PIN1: variants seen among roughly 807,000 people sequenced by gnomAD.
The protein encoded by PIN1 is peptidylprolyl cis/trans isomerase, NIMA-interacting 1.
Under a neutral mutation model 19.9 loss-of-function variants are expected in PIN1, and 8 were observed. The observed-to-expected ratio is 0.40, with a 90% CI of 0.24 to 0.72. The LOEUF is 0.72. Among genes scored for constraint, PIN1 ranks in the 30% least tolerant of loss-of-function variants. The pLI is 0.37. For missense variants in PIN1, 185 were observed against 226.5 expected, an observed-to-expected ratio of 0.82 and a Z score of 1.18; for synonymous variants, 86 against 90.8, an observed-to-expected ratio of 0.95 and a Z score of 0.30.
intron 2 of PIN1, among the ~76,000 whole-genome samples, chr19:9,847,710 G>A (rs1225437298): frequency 2.6e-5 from 4 of 152,200 alleles, no homozygotes; most frequent in Admixed American, 2.6e-4. Context: ...GTGTGCATGT[G>A]TGTGTGCTGG....
At chr19:9,837,300 C>G (rs1379420971) in intron 1 of PIN1, 1 of 154,840 alleles carries the variant, frequency 6.5e-6, no homozygotes, top group Non-Finnish European at 1.4e-5. Flanking sequence ...ATTACAGGTG[C>G]CTGCCACCAC....
chr19:9,848,618 TTCC>T, intron 3 of PIN1: 1 of 234,566 alleles, frequency 4.3e-6, no homozygotes, highest in South Asian at 5.8e-5. Flanking sequence ...CCTCCTCCTC[TTCC>T]TCCTCTTCAG....
intron 2 of PIN1, among the ~76,000 whole-genome samples, chr19:9,844,836 C>T (rs1481750877): frequency 6.6e-6 from 1 of 152,234 alleles, no homozygotes; most frequent in Non-Finnish European, 1.5e-5. Context: ...CTCCCTCCTT[C>T]CCCATGGCCT....
At chr19:9,835,745 CT>C (rs2046096515) in intron 1 of PIN1, 1 of 338,240 alleles carries the variant, frequency 3.0e-6, no homozygotes, top group Admixed American at 5.2e-5. Flanking sequence ...GGGGGCACCC[CT>C]GGGAGGGAGA....
rs750534329 is a variant in PIN1, at chr19:9,838,439, G to A, written c.62G>A (p.Arg21Gln). 8.7e-6 allele frequency: 14 copies of A among 1,601,774 alleles called. No homozygotes were observed. The highest frequency in any genetic ancestry group is 2.7e-5 in the African/African-American group (2 of 74,932). Residue 21 changes from arginine to glutamine, a missense_variant, in exon 2 of 4, where the codon CGA (arginine) becomes CAA (glutamine). Coordinates refer to ENST00000247970, the MANE Select transcript of PIN1 (RefSeq NM_006221.4). The surrounding 1 kb of genome is among the most constrained non-coding windows in gnomAD (Gnocchi z 5.8). Reference sequence around the variant, plus strand: ...TCCTGCCTGCCCTCCCCTCCAGGCCGAGTGTACTACTTCAACCACATCACT... The same window carrying A: ...TCCTGCCTGCCCTCCCCTCCAGGCCAAGTGTACTACTTCAACCACATCACT... Reference protein sequence around the residue: ...WEKRMSRSSGRVYYFNHITNA... With the variant: ...WEKRMSRSSGQVYYFNHITNA...
At position 9,848,714 on chromosome 19, in the gene PIN1, G is replaced by A. The variant is rs149162813; in HGVS notation, c.383-376G>A. On this transcript the variant is annotated intron_variant, in intron 3 of 3. Coordinates refer to ENST00000247970, the MANE Select transcript of PIN1 (RefSeq NM_006221.4). ...TGTGCAGGTGTCTTAGTGGGGTGGG[G>A]CGGCAGCATGGGGCCAGCAGCTGCC... is the stretch of plus-strand genomic sequence containing the variant. 753 of 299,860 alleles carry A rather than the reference G, an allele frequency of 2.5e-3. 5 individuals are homozygous for A. The highest frequency in any genetic ancestry group is 5.4e-3 in the Middle Eastern group (5 of 918). 18.6% of individuals were successfully genotyped at this position (299,860 alleles called of 1,614,324 possible). A position where few individuals can be genotyped will look rare whatever the true frequency, so the allele number is the denominator to read the frequency against.
At chr19:9,840,373 C>T (rs989604406) in intron 2 of PIN1, among the ~76,000 whole-genome samples, 4 of 152,046 alleles carry the variant, frequency 2.6e-5, no homozygotes, top group Admixed American at 6.6e-5. Flanking sequence ...GGCAACAGAG[C>T]GAGACTCCGT....
At chr19:9,847,476 G>T (rs527711259) in intron 2 of PIN1, among the ~76,000 whole-genome samples, 1 of 152,314 alleles carries the variant, frequency 6.6e-6, no homozygotes, top group African/African-American at 2.4e-5. Context: ...GAGCCCACCA[G>T]GGTGCCTTGG....
At position 9,845,155 on chromosome 19, in the gene PIN1, G is replaced by A. The variant is rs142257795; in HGVS notation, c.272-2875G>A. ...GGGAGTCGGAGGATGTCATTGTCGC[G>A]GGGTCAGGTACAGGCTGAGCTAACA... is the stretch of plus-strand genomic sequence containing the variant. On this transcript the variant is annotated intron_variant, in intron 2 of 3. Coordinates refer to ENST00000247970, the MANE Select transcript of PIN1 (RefSeq NM_006221.4). Among the ~76,000 whole-genome samples, 25 of 152,296 alleles carry A rather than the reference G, an allele frequency of 1.6e-4. 1 individual carries two copies. The highest frequency in any genetic ancestry group is 1.4e-3 in the Admixed American group (22 of 15,300).
At chr19:9,839,026 A>G (rs939855070) in intron 2 of PIN1, among the ~76,000 whole-genome samples, 1 of 152,200 alleles carries the variant, frequency 6.6e-6, no homozygotes, top group Non-Finnish European at 1.5e-5. Context: ...GGAATAAGGC[A>G]ATGGATTTTG....
chr19:9,848,806 G>C (rs1317685345), intron 3 of PIN1, among the ~76,000 whole-genome samples: 1 of 152,140 alleles, frequency 6.6e-6, no homozygotes, highest in Non-Finnish European at 1.5e-5. Flanking sequence ...CCAGGGAGAC[G>C]AGTTCACTAC....
In PIN1 at chr19:9,838,353, C is replaced by G; in HGVS notation, c.59-83C>G. 3 of 1,106,266 alleles carry G rather than the reference C, an allele frequency of 2.7e-6. No homozygotes were observed. The highest frequency in any genetic ancestry group is 4.0e-6 in the Non-Finnish European group (3 of 741,922). 68.5% of individuals were successfully genotyped at this position (1,106,266 alleles called of 1,614,324 possible). A position where few individuals can be genotyped will look rare whatever the true frequency, so the allele number is the denominator to read the frequency against. On this transcript the variant is annotated intron_variant, in intron 1 of 3. Transcript: ENST00000247970. The surrounding 1 kb of genome is among the most constrained non-coding windows in gnomAD (Gnocchi z 5.8). ...TGAAGGCGCCCCCTGCAAGCCAGGC[C>G]CTCACCCTGGCTTCTGGCTGTGGGC... is the stretch of plus-strand genomic sequence containing the variant.
At chr19:9,848,161 AC>A in intron 3 of PIN1, 21 bp downstream of exon 3, 1 of 1,456,920 alleles carries the variant, frequency 6.9e-7, no homozygotes, top group Non-Finnish European at 9.6e-7. Flanking sequence ...AATGGGCCTC[AC>A]CAGGTTGGGG....
chr19:9,836,937 T>C (rs1189299894), intron 1 of PIN1: 4 of 929,942 alleles, frequency 4.3e-6, no homozygotes, highest in Non-Finnish European at 6.0e-6. Context: ...ACTCTTAATG[T>C]GTGCCAGTTT....
chr19:9,835,768 C>T, intron 1 of PIN1: 1 of 286,318 alleles, frequency 3.5e-6, no homozygotes, highest in East Asian at 7.2e-5. Flanking sequence ...ACCCCAGTAC[C>T]CTGCAAAGGG....
chr19:9,841,169 AC>A lies in PIN1; in HGVS notation c.271+2526del, dbSNP rs2046162254. ...CTGTAGGATGTTATTACATATGCAC[AC>A]CCCCAACATGGCATCTAGGACAGTA... is the stretch of plus-strand genomic sequence containing the variant. On this transcript the variant is annotated intron_variant, in intron 2 of 3. Coordinates refer to ENST00000247970, the MANE Select transcript of PIN1 (RefSeq NM_006221.4). 3.9e-5 allele frequency among the ~76,000 whole-genome samples: 6 copies of A among 152,000 alleles called. 1 individual carries two copies. In the South Asian group the frequency reaches 1.2e-3, roughly 32 times the overall value.
At chr19:9,841,571 C>A (rs1212646827) in intron 2 of PIN1, among the ~76,000 whole-genome samples, 2 of 152,160 alleles carry the variant, frequency 1.3e-5, no homozygotes, top group African/African-American at 4.8e-5. Flanking sequence ...TTGGTTCTTT[C>A]CTGGAGGCAG....
chr19:9,837,036 G>A (rs2046114442), intron 1 of PIN1: 1 of 414,450 alleles, frequency 2.4e-6, no homozygotes, highest in Non-Finnish European at 4.8e-6. Context: ...GGCTCAGGCT[G>A]CAGTGCAGCC....
intron 1 of PIN1, chr19:9,835,739 G>A (rs1273461156): frequency 1.4e-5 from 5 of 346,280 alleles, no homozygotes; most frequent in East Asian, 1.1e-4. Flanking sequence ...GGGCCCGGGG[G>A]CACCCCTGGG....
Sources: gnomAD v4.1 joint callset for allele counts (sites outside exome capture counted in the v4.1 genomes callset) on GRCh38, gnomAD v4.1.1 for gene constraint, Gnocchi (gnomAD v3.1) non-coding constraint, MANE v1.5 for transcripts, NCBI Gene and HGNC (gene_info 2026-07-23, HGNC 2026-07-21) for gene names.